The following SUGP2 variants were observed in gnomAD, a reference collection of about 807,000 sequenced individuals.
SUGP2 encodes the protein SURP and G-patch domain containing 2.
Under a neutral mutation model 90.5 loss-of-function variants are expected in SUGP2, and 24 were observed. That is an observed-to-expected ratio of 0.27 (90% CI 0.19 to 0.37). SUGP2 has a LOEUF of 0.37. SUGP2 is among the 10% of genes least tolerant of loss of function. The probability of loss-of-function intolerance (pLI) is 1.00; values close to 1 mark genes in which losing one functional copy is unlikely to be tolerated. For missense variants in SUGP2, 1,233 were observed against 1,363.3 expected, an observed-to-expected ratio of 0.90 and a Z score of 1.51; for synonymous variants, 473 against 513.4, an observed-to-expected ratio of 0.92 and a Z score of 1.06.
At chr19:18,995,307 G>A in intron 8 of SUGP2, 27 bp from the exon 9 acceptor site, 1 of 1,573,344 alleles carries the variant, frequency 6.4e-7, no homozygotes, top group Non-Finnish European at 8.6e-7. Flanking sequence ...GTCCAGGCAT[G>A]TGGGCCACAG....
In SUGP2 at chr19:19,008,559, CAT is replaced by C. The variant is rs1255727146; in HGVS notation, c.2339-133_2339-132del. The C allele has an allele frequency of 6.8e-6, 5 of 730,066 alleles. No homozygotes were observed. The Admixed American group carries it at 9.8e-5, about 14-fold the overall frequency. 45.2% of individuals were successfully genotyped at this position (730,066 alleles called of 1,614,324 possible). A position where few individuals can be genotyped will look rare whatever the true frequency, so the allele number is the denominator to read the frequency against. ...CTCCCTGTAGCCTTGCCCTTCGTCA[CAT>C]GTGGACCCTTTGTCACCAAGAAGTG... On this transcript the variant is annotated intron_variant, in intron 5 of 10. Coordinates refer to ENST00000452918, the MANE Select transcript of SUGP2 (RefSeq NM_001017392.5).
chr19:19,024,521 A>G (rs957329845), intron 3 of SUGP2, 98 bp downstream of exon 3: 3 of 1,394,528 alleles, frequency 2.2e-6, no homozygotes, highest in African/African-American at 2.9e-5. Context: ...TATGTTTCCA[A>G]TTGGCTAAAG....
At chr19:18,996,555 A>G (rs1217644768) in intron 8 of SUGP2, among the ~76,000 whole-genome samples, 1 of 149,418 alleles carries the variant, frequency 6.7e-6, no homozygotes, top group African/African-American at 2.5e-5. Context: ...CCAGCTTTTG[A>G]TGTTTTTTTT....
rs759828379 is a variant in SUGP2, at chr19:19,024,818, T to C, written c.1530A>G (p.Ser510=). The C allele has an allele frequency of 3.7e-6, 6 of 1,614,032 alleles. No individual in the cohort carries two copies. Among genetic ancestry groups the C allele is most frequent in the Non-Finnish European group, 5.1e-6 (6 of 1,179,990 alleles). ...CTTCGAAGTTTGGAAACGCAGCAGGTGAGGGAGCTATATCTTGCAGGCCGA... is the reference window on the plus strand; with the variant it reads ...CTTCGAAGTTTGGAAACGCAGCAGGCGAGGGAGCTATATCTTGCAGGCCGA... ...EAVGLQDIAP[S]PAAFPNFEDS... is the part of the protein sequence containing the mutation. The change falls in exon 3 of 11, where the codon TCA becomes TCG. Residue 510 remains serine, a synonymous_variant. Coordinates refer to ENST00000452918, the MANE Select transcript of SUGP2 (RefSeq NM_001017392.5).
chr19:19,019,767 T>C (rs1241117708), intron 3 of SUGP2, among the ~76,000 whole-genome samples: 1 of 146,374 alleles, frequency 6.8e-6, no homozygotes, highest in Non-Finnish European at 1.5e-5. Context: ...CTTTAAGAAC[T>C]TAAAAAAAAA....
intron 4 of SUGP2, among the ~76,000 whole-genome samples, chr19:19,014,599 G>A (rs1375833259): frequency 1.3e-5 from 2 of 151,494 alleles, no homozygotes; most frequent in Non-Finnish European, 2.9e-5. Context: ...ACACCAGCCT[G>A]GGCAACAGAG....
At chr19:19,001,493 C>T (rs1374580927) in intron 8 of SUGP2, 120 bp downstream of exon 8, 4 of 1,038,598 alleles carry the variant, frequency 3.9e-6, no homozygotes, top group African/African-American at 1.6e-5. Flanking sequence ...GTGTTTTACA[C>T]ATTAATACCT....
intron 6 of SUGP2, among the ~76,000 whole-genome samples, chr19:19,007,914 C>T (rs539927082): frequency 6.6e-6 from 1 of 152,172 alleles, no homozygotes; most frequent in East Asian, 1.9e-4. Context: ...TGCTTGCCAC[C>T]ATGCCCGGCT....
In SUGP2 at chr19:19,025,569, C is replaced by A. The variant is rs759570294; in HGVS notation, c.779G>T (p.Arg260Leu). Residue 260 changes from arginine to leucine, a missense_variant, in exon 3 of 11, where the codon CGT becomes CTT. By Grantham distance (102) the Arg-to-Leu change is moderately radical. This residue lies in a region of SUGP2 where 418 missense variants were observed against 399.9 expected (regional missense o/e 1.05). Transcript: ENST00000452918. ...VSTKKIPTVNRITPKTQGTNQ... is the reference protein window; with the variant it reads ...VSTKKIPTVNLITPKTQGTNQ... ...AGTGCCCTGAGTTTTGGGAGTAATA[C>A]GATTCACGGTGGGTATTTTTTTTGT... 5 of 1,613,830 alleles carry A rather than the reference C, an allele frequency of 3.1e-6. No individual in the cohort carries two copies. Among genetic ancestry groups the A allele is most frequent in the Non-Finnish European group, 3.4e-6 (4 of 1,180,010 alleles).
At chr19:19,029,242 C>T (rs778399518) in intron 2 of SUGP2, among the ~76,000 whole-genome samples, 111 of 151,184 alleles carry the variant, frequency 7.3e-4, no homozygotes, top group Non-Finnish European at 1.3e-3. Context: ...CCTGGGTTCA[C>T]GCCATTCTCC....
In SUGP2 at chr19:19,033,439, C is replaced by T. The variant is rs930854241; in HGVS notation, c.-14G>A. 233 of 1,388,128 alleles carry T rather than the reference C, an allele frequency of 1.7e-4. No individual in the cohort carries two copies. The highest frequency in any genetic ancestry group is 2.1e-4 in the Non-Finnish European group (225 of 1,069,874). 86.0% of individuals were successfully genotyped at this position (1,388,128 alleles called of 1,614,324 possible). A position where few individuals can be genotyped will look rare whatever the true frequency, so the allele number is the denominator to read the frequency against. Reference sequence around the variant, plus strand: ...CGACGCCAGGGCCCGGGCCTCACCCCGAGACCACCGCGCGCGGAGCCACCC... The same window carrying T: ...CGACGCCAGGGCCCGGGCCTCACCCTGAGACCACCGCGCGCGGAGCCACCC... On this transcript the variant is annotated splice_region_variant and 5_prime_UTR_variant, in exon 1 of 11. Transcript: ENST00000452918.
At chr19:19,028,003 G>C (rs1477567669) in intron 2 of SUGP2, among the ~76,000 whole-genome samples, 1 of 152,158 alleles carries the variant, frequency 6.6e-6, no homozygotes, top group Non-Finnish European at 1.5e-5. Flanking sequence ...CAGTTACAAA[G>C]GGAAGCCTTC....
At chr19:19,021,940 T>C (rs1039110753) in intron 3 of SUGP2, among the ~76,000 whole-genome samples, 4 of 152,042 alleles carry the variant, frequency 2.6e-5, no homozygotes, top group Non-Finnish European at 5.9e-5. Context: ...GTTGGGATTA[T>C]AGCTGCGAAC....
At chr19:19,017,500 G>A (rs1275399526) in intron 4 of SUGP2, among the ~76,000 whole-genome samples, 1 of 151,926 alleles carries the variant, frequency 6.6e-6, no homozygotes, top group South Asian at 2.1e-4. Context: ...GGCTGGGCGC[G>A]GTGGCTCACG....
At chr19:19,016,939 G>C (rs2058521399) in intron 4 of SUGP2, among the ~76,000 whole-genome samples, 1 of 152,156 alleles carries the variant, frequency 6.6e-6, no homozygotes, top group Non-Finnish European at 1.5e-5. Flanking sequence ...CCAAACTCAA[G>C]AATTTTGTAA....
rs1293306874 is a variant in SUGP2 at position 19,019,433 on chromosome 19, C to G, written c.1730-204G>C. Among the ~76,000 whole-genome samples, 5 of 152,090 alleles carry G rather than the reference C, an allele frequency of 3.3e-5. No individual in the cohort carries two copies. The East Asian group carries it at 9.6e-4, about 29-fold the overall frequency. On this transcript the variant is annotated intron_variant, in intron 3 of 10. Coordinates refer to ENST00000452918, the MANE Select transcript of SUGP2 (RefSeq NM_001017392.5). ...CCTAAAAAATGTAACAGTATAACCACTAGGAGAGAAACAGTCACAGCTTTC... is the reference window on the plus strand; with the variant it reads ...CCTAAAAAATGTAACAGTATAACCAGTAGGAGAGAAACAGTCACAGCTTTC...
chr19:19,001,582 T>C (rs1276243117), intron 8 of SUGP2, 31 bp downstream of exon 8: 3 of 1,610,492 alleles, frequency 1.9e-6, no homozygotes, highest in Admixed American at 1.7e-5. Flanking sequence ...CAACTATACT[T>C]TGAGTGAGGA....
chr19:19,015,262 G>A (rs902092844), intron 4 of SUGP2, among the ~76,000 whole-genome samples: 5 of 152,072 alleles, frequency 3.3e-5, no homozygotes, highest in Non-Finnish European at 4.4e-5. Context: ...AGAGGTAGCC[G>A]TGAGAAGTAG....
intron 10 of SUGP2, 73 bp downstream of exon 10, chr19:18,994,293 T>C: frequency 8.3e-6 from 13 of 1,558,754 alleles, no homozygotes; most frequent in Non-Finnish European, 1.1e-5. Context: ...ATCAACTTTG[T>C]TGGGGGAAAT....
Sources: gnomAD v4.1 joint callset for allele counts (sites outside exome capture counted in the v4.1 genomes callset) on GRCh38, gnomAD v4.1.1 for gene constraint, gnomAD v4.1.1 regional missense constraint, MANE v1.5 for transcripts, NCBI Gene and HGNC (gene_info 2026-07-23, HGNC 2026-07-21) for gene names.